Variants in MKRN1 observed in about 807,000 individuals in gnomAD.
MKRN1 encodes the protein makorin ring finger protein 1.
Under a neutral mutation model 55.5 loss-of-function variants are expected in MKRN1, and 9 were observed. That is an observed-to-expected ratio of 0.16 (90% CI 0.10 to 0.28). The LOEUF (loss-of-function observed/expected upper bound fraction) is 0.28, where lower values mean the gene tolerates loss of function less well. Among genes scored for constraint, MKRN1 ranks in the 10% least tolerant of loss-of-function variants. The pLI is 1.00. For missense variants in MKRN1, 488 were observed against 626.7 expected, an observed-to-expected ratio of 0.78 and a Z score of 2.36; for synonymous variants, 253 against 235.9, an observed-to-expected ratio of 1.07 and a Z score of -0.66.
intron 1 of MKRN1, chr7:140,475,193 A>T: frequency 2.3e-6 from 1 of 432,550 alleles, no homozygotes; most frequent in South Asian, 1.6e-5. Flanking sequence ...CGTACAAATA[A>T]TTAGCCGAGT....
intron 5 of MKRN1, chr7:140,456,332 C>T: frequency 1.6e-6 from 2 of 1,217,602 alleles, no homozygotes; most frequent in Non-Finnish European, 2.1e-6. Flanking sequence ...AAATGTAAAA[C>T]GTCAGGAAAC....
chr7:140,461,915 G>A (rs534425608), intron 2 of MKRN1, among the ~76,000 whole-genome samples: 100 of 152,264 alleles, frequency 6.6e-4, no homozygotes, highest in African/African-American at 2.4e-3. Flanking sequence ...CCTGGGAGGC[G>A]GAGGTTGCAG....
rs367939250 is a variant in MKRN1 at position 140,458,540 on chromosome 7, T to C, written c.771+467A>G. On this transcript the variant is annotated intron_variant, in intron 4 of 7. Transcript: ENST00000255977. ...GTGACTGCTAATGGGTGTAGGATGA[T>C]CAAATTATCCTAAAATTAGTAAAAT... 1.9e-4 allele frequency among the ~76,000 whole-genome samples: 29 copies of C among 152,322 alleles called. No homozygotes were observed. The South Asian group carries it at 5.2e-3, about 27-fold the overall frequency.
At chr7:140,469,914 G>T (rs985135180) in intron 2 of MKRN1, among the ~76,000 whole-genome samples, 1 of 151,920 alleles carries the variant, frequency 6.6e-6, no homozygotes, top group African/African-American at 2.4e-5. Flanking sequence ...TGAGTGTGGC[G>T]GTGCATGCCT....
chr7:140,460,617 T>G (rs1342421210), intron 2 of MKRN1, among the ~76,000 whole-genome samples: 1 of 152,128 alleles, frequency 6.6e-6, no homozygotes, highest in Non-Finnish European at 1.5e-5. Flanking sequence ...TCCTAATACA[T>G]TCCTTGGATT....
chr7:140,471,204 T>C (rs1221869808), intron 2 of MKRN1, among the ~76,000 whole-genome samples: 1 of 151,944 alleles, frequency 6.6e-6, no homozygotes, highest in Non-Finnish European at 1.5e-5. Flanking sequence ...CGCAACATAT[T>C]AAGACCCCCA....
At chr7:140,456,958 A>AT (rs576745848) in intron 4 of MKRN1, 92 bp from the exon 5 acceptor site, 8 of 1,254,132 alleles carry the variant, frequency 6.4e-6, no homozygotes, top group Non-Finnish European at 7.8e-6. Flanking sequence ...AAAGAATCAA[A>AT]TAGTCAACTG....
chr7:140,465,822 C>T (rs953478456), intron 2 of MKRN1, among the ~76,000 whole-genome samples: 7 of 152,258 alleles, frequency 4.6e-5, no homozygotes, highest in Middle Eastern at 6.8e-3. Flanking sequence ...TGGCTCACGC[C>T]TGTAATCCCA....
intron 1 of MKRN1, among the ~76,000 whole-genome samples, chr7:140,477,238 CACA>C (rs1226683917): frequency 6.6e-6 from 1 of 152,078 alleles, no homozygotes; most frequent in Non-Finnish European, 1.5e-5. Context: ...AAGGAATCTG[CACA>C]ACAATAAAAA....
intron 2 of MKRN1, among the ~76,000 whole-genome samples, chr7:140,465,678 A>G (rs1794745129): frequency 6.6e-6 from 1 of 152,044 alleles, no homozygotes; most frequent in Non-Finnish European, 1.5e-5. Context: ...AATCCTCTCA[A>G]CTGTTGGGGC....
intron 2 of MKRN1, among the ~76,000 whole-genome samples, chr7:140,471,399 T>A (rs763555036): frequency 3.3e-5 from 5 of 151,942 alleles, no homozygotes; most frequent in Non-Finnish European, 7.4e-5. Context: ...AAAAAATAAA[T>A]TTGAGGGTTA....
At chr7:140,457,873 T>C (rs1456391186) in intron 4 of MKRN1, among the ~76,000 whole-genome samples, 2 of 152,168 alleles carry the variant, frequency 1.3e-5, no homozygotes, top group East Asian at 3.9e-4. Flanking sequence ...AGATTTATCC[T>C]GCCTAAATTC....
intron 2 of MKRN1, among the ~76,000 whole-genome samples, chr7:140,468,155 A>G (rs756798463): frequency 1.3e-5 from 2 of 152,040 alleles, no homozygotes; most frequent in East Asian, 1.9e-4. Flanking sequence ...TTCTGATTCT[A>G]TCTCACAGTC....
chr7:140,463,701 C>T (rs533753974), intron 2 of MKRN1, among the ~76,000 whole-genome samples: 50 of 152,020 alleles, frequency 3.3e-4, no homozygotes, highest in East Asian at 5.9e-4. Context: ...CTGGCTAACA[C>T]GGTGAAACCT....
intron 2 of MKRN1, among the ~76,000 whole-genome samples, chr7:140,468,187 G>A (rs1002930410): frequency 6.6e-6 from 1 of 151,888 alleles, no homozygotes; most frequent in East Asian, 1.9e-4. Flanking sequence ...CTCTGCTTGG[G>A]AGGTTGGATT....
intron 3 of MKRN1, 73 bp downstream of exon 3, chr7:140,459,634 T>TTGTCAAAACTAAGCAAATGGA (rs1309762679): frequency 1.7e-5 from 24 of 1,419,936 alleles, no homozygotes; most frequent in Non-Finnish European, 2.4e-5. Context: ...AAGGGGAAAG[T>TTGTCAAAACTAAGCAAATGGA]TGTCAAAACT....
intron 1 of MKRN1, among the ~76,000 whole-genome samples, chr7:140,474,838 C>T (rs1458429927): frequency 1.3e-5 from 2 of 151,786 alleles, no homozygotes; most frequent in East Asian, 3.9e-4. Context: ...CCCACCTCAG[C>T]CTCCAGAGTG....
intron 4 of MKRN1, 26 bp from the exon 5 acceptor site, chr7:140,456,892 T>A (rs763312333): frequency 6.2e-7 from 1 of 1,602,534 alleles, no homozygotes; most frequent in Admixed American, 1.7e-5. Flanking sequence ...AGAGAACAAG[T>A]GGAATCCAGT....
intron 2 of MKRN1, among the ~76,000 whole-genome samples, chr7:140,463,522 A>G (rs1794679678): frequency 6.6e-6 from 1 of 152,244 alleles, no homozygotes; most frequent in Non-Finnish European, 1.5e-5. Context: ...CATGAAGAAC[A>G]TTTCCAGTAC....
Sources: allele counts gnomAD v4.1 joint callset (sites outside exome capture counted in the v4.1 genomes callset), GRCh38; gene constraint gnomAD v4.1.1; transcripts MANE v1.5; gene names NCBI Gene and HGNC (gene_info 2026-07-23, HGNC 2026-07-21).